The following SNX18 variants were observed in gnomAD, a reference collection of about 807,000 sequenced individuals.
SNX18 encodes sorting nexin 18, also known as sorting nexin-18.
A neutral mutation model predicts 48.7 loss-of-function variants in SNX18; 35 were observed. The ratio of observed to expected loss-of-function variants is 0.72; its 90% CI spans 0.55 to 0.95. The LOEUF (loss-of-function observed/expected upper bound fraction) is 0.95. Among genes scored for constraint, SNX18 ranks in the 40% least tolerant of loss-of-function variants. The pLI is 0.00. For missense variants in SNX18, 824 were observed against 871.0 expected (o/e 0.95, Z 0.68); for synonymous variants, 492 against 384.7 (o/e 1.28, Z -3.26).
the SNX18 span, among the ~76,000 whole-genome samples, chr5:54,561,504 A>ATTTTTTTTTTTTTTTTTTTTTTTTTTTT: frequency 7.5e-6 from 1 of 133,008 alleles, no homozygotes. Flanking sequence ...CGCCCAGCTA[A>ATTTTTTTTTTTTTTTTTTTTTTTTTTTT]TTTTTTTTTT....
At chr5:54,615,472 C>T in the SNX18 span, among the ~76,000 whole-genome samples, 1 of 152,224 alleles carries the variant, frequency 6.6e-6, no homozygotes, top group African/African-American at 2.4e-5. Context: ...GGATGTTCTA[C>T]CCTTGCCCCC....
the SNX18 span, among the ~76,000 whole-genome samples, chr5:54,564,455 A>G: frequency 5.9e-5 from 9 of 152,232 alleles, no homozygotes; most frequent in Admixed American, 6.5e-5. Context: ...GTTTTCAATT[A>G]CTGCTGTAAC....
the SNX18 span, among the ~76,000 whole-genome samples, chr5:54,582,526 A>G: frequency 3.3e-5 from 5 of 152,156 alleles, no homozygotes; most frequent in African/African-American, 1.2e-4. Flanking sequence ...TGGGAGGCTG[A>G]GGTATGAGGA....
chr5:54,559,343 G>A, the SNX18 span, among the ~76,000 whole-genome samples: 1 of 152,042 alleles, frequency 6.6e-6, no homozygotes, highest in Non-Finnish European at 1.5e-5. Flanking sequence ...GCTACAGTAA[G>A]GAAAACAGCA....
Position 54,546,026 on chromosome 5 carries a change from C to T in SNX18, c.*2594C>T, listed in dbSNP as rs1326826040. On this transcript the variant is annotated 3_prime_UTR_variant, in exon 2 of 2. Coordinates refer to ENST00000381410, the MANE Select transcript of SNX18 (RefSeq NM_001102575.2). ...CGAGACTGGTTCTACAGCCATGTGT[C>T]GTAATCTTGTTCCCCGTCCAAGCTG... 1 of 152,126 alleles carries T rather than the reference C, an allele frequency of 6.6e-6. No individual in the cohort carries two copies. The highest frequency in any genetic ancestry group is 1.5e-5 in the Non-Finnish European group (1 of 68,038). 9.4% of individuals were successfully genotyped at this position (152,126 alleles called of 1,614,324 possible).
At chr5:54,593,444 T>A in the SNX18 span, among the ~76,000 whole-genome samples, 3 of 152,226 alleles carry the variant, frequency 2.0e-5, no homozygotes, top group Non-Finnish European at 4.4e-5. Context: ...GATTGAAGAT[T>A]GAATATTGTT....
At chr5:54,550,776 G>C (rs1359492183), downstream of SNX18, among the ~76,000 whole-genome samples, 1 of 152,020 alleles carries the variant, frequency 6.6e-6, no homozygotes, top group Non-Finnish European at 1.5e-5. Context: ...GTAGAGACGG[G>C]GTTTCACCAT....
Position 54,543,175 on chromosome 5 carries a change from A to G in SNX18, c.1622-4A>G, listed in dbSNP as rs768875402. On this transcript the variant is annotated splice_region_variant and splice_polypyrimidine_tract_variant and intron_variant, in intron 1 of 1. Coordinates refer to ENST00000381410, the MANE Select transcript of SNX18 (RefSeq NM_001102575.2). ...TTTTAATTAATTGTTATTTTTAACT[A>G]CAGGAGCTCTTACCAAAGTCAAGGA... The G allele has an allele frequency of 6.2e-6, 10 of 1,611,398 alleles. 1 individual carries two copies. In the Middle Eastern group the frequency reaches 1.3e-3, roughly 213 times the overall value.
At chr5:54,595,495 A>G in the SNX18 span, among the ~76,000 whole-genome samples, 1 of 152,128 alleles carries the variant, frequency 6.6e-6, no homozygotes, top group African/African-American at 2.4e-5. Flanking sequence ...TCAGCCTCCC[A>G]AAGTGCTGGG....
the SNX18 span, among the ~76,000 whole-genome samples, chr5:54,591,702 G>A: frequency 6.6e-6 from 1 of 152,216 alleles, no homozygotes; most frequent in Non-Finnish European, 1.5e-5. Flanking sequence ...GTAACCATGT[G>A]ACTTGCATTG....
chr5:54,631,468 C>A, the SNX18 span, among the ~76,000 whole-genome samples: 3 of 152,276 alleles, frequency 2.0e-5, no homozygotes, highest in African/African-American at 2.4e-5. Context: ...ACCTCTCTTT[C>A]TGTCAATAAA....
chr5:54,579,368 G>A, the SNX18 span, among the ~76,000 whole-genome samples: 4 of 151,710 alleles, frequency 2.6e-5, no homozygotes, highest in Admixed American at 6.6e-5. Flanking sequence ...AAGTAATAAT[G>A]AGAACCACAT....
At chr5:54,641,040 A>G in the SNX18 span, among the ~76,000 whole-genome samples, 1 of 152,214 alleles carries the variant, frequency 6.6e-6, no homozygotes, top group East Asian at 1.9e-4. Context: ...AGCCTGCACG[A>G]CAAAGCAAGA....
the SNX18 span, among the ~76,000 whole-genome samples, chr5:54,581,952 A>T: frequency 6.6e-6 from 1 of 152,162 alleles, no homozygotes; most frequent in African/African-American, 2.4e-5. Context: ...AGATTTGCTC[A>T]CCAGACTGAG....
Position 54,543,271 on chromosome 5 carries a change from A to G in SNX18, c.1714A>G (p.Thr572Ala). 1 of 1,614,234 alleles carries G rather than the reference A, an allele frequency of 6.2e-7. No homozygotes were observed. The highest frequency in any genetic ancestry group is 1.6e-4 in the Middle Eastern group (1 of 6,062). The stretch of plus-strand genomic sequence containing the variant: ...TGACGGCATTCAGGATCGCTGTAAC[A>G]CTATTTCTTTTGCCACTTTGGCTGA... ...KADGIQDRCN[T>A]ISFATLAEIH... The change falls in exon 2 of 2, where the codon ACT becomes GCT. Residue 572 changes from threonine (T) to alanine (A), a missense_variant. Thr to Ala is a moderately conservative substitution (Grantham distance 58, BLOSUM62 0). Around this residue, in one of 3 missense-constraint regions of SNX18, gnomAD observed 443 missense variants for 503.6 expected, o/e 0.88. Coordinates refer to ENST00000381410, the MANE Select transcript of SNX18 (RefSeq NM_001102575.2).
At chr5:54,539,996 C>G (rs141249791) in intron 1 of SNX18, among the ~76,000 whole-genome samples, 1 of 151,960 alleles carries the variant, frequency 6.6e-6, no homozygotes, top group African/African-American at 2.4e-5. Context: ...CTCAGCCTCC[C>G]GGGTACTTGG....
chr5:54,528,981 C>CT (rs2112845626), intron 1 of SNX18, among the ~76,000 whole-genome samples: 1 of 152,294 alleles, frequency 6.6e-6, no homozygotes, highest in East Asian at 1.9e-4. Flanking sequence ...TCCTCACATG[C>CT]TTTTGATGTG....
chr5:54,588,214 C>CT, the SNX18 span, among the ~76,000 whole-genome samples: 23 of 149,032 alleles, frequency 1.5e-4, no homozygotes, highest in Non-Finnish European at 1.2e-4. Flanking sequence ...GCAGTTGTAT[C>CT]TAAGCAATTT....
chr5:54,584,315 T>C, the SNX18 span, among the ~76,000 whole-genome samples: 1 of 152,120 alleles, frequency 6.6e-6, no homozygotes, highest in African/African-American at 2.4e-5. Flanking sequence ...CCAAAAGTGC[T>C]AGGGTTACAG....
Sources: allele counts gnomAD v4.1 joint callset (sites outside exome capture counted in the v4.1 genomes callset), GRCh38; gene constraint gnomAD v4.1.1; regional missense constraint gnomAD v4.1.1; transcripts MANE v1.5; gene names NCBI Gene and HGNC (gene_info 2026-07-23, HGNC 2026-07-21).